RGS3: variants seen among roughly 807,000 people sequenced by gnomAD.
The protein encoded by RGS3 is regulator of G protein signaling 3, also known as regulator of G-protein signalling 3.
In RGS3, 80 loss-of-function variants were observed where a neutral mutation model predicts 132.6. That is an observed-to-expected ratio of 0.60 (90% CI 0.50 to 0.73). RGS3 has a LOEUF of 0.73. RGS3 is among the 30% of genes least tolerant of loss of function. The probability of loss-of-function intolerance (pLI) is 0.00; values close to 1 mark genes in which losing one functional copy is unlikely to be tolerated. For missense variants in RGS3, 1,382 were observed against 1,530.8 expected, an observed-to-expected ratio of 0.90 and a Z score of 1.62; for synonymous variants, 598 against 620.6, an observed-to-expected ratio of 0.96 and a Z score of 0.54.
chr9:113,594,092 T>G (rs1432011412), intron 21 of RGS3: 1 of 1,612,876 alleles, frequency 6.2e-7, no homozygotes, highest in African/African-American at 1.3e-5. Flanking sequence ...TGGCTCCTCC[T>G]GTCTGAGTCC....
chr9:113,536,058 A>C (rs1010368567), intron 18 of RGS3, among the ~76,000 whole-genome samples: 5 of 152,168 alleles, frequency 3.3e-5, no homozygotes, highest in Non-Finnish European at 7.4e-5. Flanking sequence ...GGCCTAGATG[A>C]AAAAGGCCTT....
At chr9:113,518,380 G>A (rs1831781990) in intron 16 of RGS3, among the ~76,000 whole-genome samples, 1 of 152,066 alleles carries the variant, frequency 6.6e-6, no homozygotes, top group South Asian at 2.1e-4. Flanking sequence ...CTTGGAGACA[G>A]GAAGTTTGTA....
chr9:113,580,910 C>T (rs1474604265), intron 19 of RGS3: 25 of 985,516 alleles, frequency 2.5e-5, no homozygotes, highest in Non-Finnish European at 2.8e-5. Flanking sequence ...AAATGCGGCC[C>T]GCTCCCCACT....
chr9:113,525,431 A>G (rs967584066), intron 17 of RGS3, among the ~76,000 whole-genome samples: 2 of 152,032 alleles, frequency 1.3e-5, no homozygotes, highest in African/African-American at 4.8e-5. Context: ...CTGGCGTCCA[A>G]TTTCCTGCCT....
chr9:113,508,674 C>A, intron 14 of RGS3, 94 bp downstream of exon 12: 4 of 1,297,944 alleles, frequency 3.1e-6, no homozygotes, highest in Non-Finnish European at 2.2e-6. Flanking sequence ...AGTTCTGAGG[C>A]CTTTCCAATG....
intron 16 of RGS3, among the ~76,000 whole-genome samples, chr9:113,521,402 A>G (rs1389365113): frequency 2.0e-5 from 3 of 152,274 alleles, no homozygotes; most frequent in Admixed American, 1.3e-4. Flanking sequence ...ATCAAAATGT[A>G]TCAATTAAAA....
intron 7 of RGS3, among the ~76,000 whole-genome samples, chr9:113,493,261 T>G (rs1588157506): frequency 6.6e-6 from 1 of 152,176 alleles, no homozygotes; most frequent in African/African-American, 2.4e-5. Context: ...TTTTTGGTGG[T>G]GGGCTGGGGA....
At chr9:113,528,288 G>A (rs576340899) in intron 17 of RGS3, among the ~76,000 whole-genome samples, 1 of 152,206 alleles carries the variant, frequency 6.6e-6, no homozygotes, top group Non-Finnish European at 1.5e-5. Flanking sequence ...ACCGTGCCCA[G>A]ACAAGTGACC....
chr9:113,480,620 C>T (rs546434937), intron 4 of RGS3, among the ~76,000 whole-genome samples: 49 of 152,242 alleles, frequency 3.2e-4, no homozygotes, highest in South Asian at 1.2e-3. Context: ...GATGCCCACA[C>T]GGTATCCTGA....
chr9:113,501,104 TTGGATTCTTTAGGC>T (rs1830868333), intron 10 of RGS3, among the ~76,000 whole-genome samples: 1 of 152,186 alleles, frequency 6.6e-6, no homozygotes, highest in Non-Finnish European at 1.5e-5. Context: ...CAAGGTATCC[TTGGATTCTTTAGGC>T]TGGGGCAGTC....
upstream of RGS3, among the ~76,000 whole-genome samples, chr9:113,459,106 T>C (rs182272390): frequency 6.6e-6 from 1 of 152,338 alleles, no homozygotes; most frequent in Admixed American, 6.5e-5. Context: ...TCTTTTACCT[T>C]TGGTCTATAG....
chr9:113,542,501 G>C (rs1016897305), intron 19 of RGS3, among the ~76,000 whole-genome samples: 1 of 152,168 alleles, frequency 6.6e-6, no homozygotes, highest in African/African-American at 2.4e-5. Flanking sequence ...TGTCCTGGTG[G>C]CTTGTCCTGG....
chr9:113,595,621 C>G (rs1005819383), exon 24 of RGS3: 4 of 1,614,190 alleles, frequency 2.5e-6, no homozygotes, highest in Non-Finnish European at 2.5e-6. Context: ...TGTTCCAAGC[C>G]TTCCTTCGCA....
intron 4 of RGS3, 91 bp downstream of exon 2, chr9:113,479,632 G>A: frequency 8.8e-7 from 1 of 1,133,852 alleles, no homozygotes; most frequent in Admixed American, 1.8e-5. Flanking sequence ...TGGCACCATG[G>A]GCCAAGGCTT....
chr9:113,595,022 C>G (rs753346814), intron 23 of RGS3, 42 bp downstream of exon 21: 2 of 1,584,078 alleles, frequency 1.3e-6, no homozygotes, highest in Admixed American at 1.7e-5. Flanking sequence ...CCCTCTCTCC[C>G]TCTCCCCTTC....
In RGS3 at chr9:113,485,698, G is replaced by C. The variant is rs1024266567; in HGVS notation, c.689+5G>C. On this transcript the variant is annotated splice_donor_5th_base_variant and intron_variant, in intron 7 of 24. Transcript: ENST00000350696. ...GAACAGGGCCAGCCAGTCCAGGTGA[G>C]GAGAGCTGCTGAGCTGGAGGGGGAC... 6.3e-7 allele frequency: 1 copy of C among 1,583,182 alleles called. No individual in the cohort carries two copies. Among genetic ancestry groups the C allele is most frequent in the Non-Finnish European group, 8.6e-7 (1 of 1,164,128 alleles).
Position 113,594,911 on chromosome 9 carries a change from C to T in RGS3, c.3183-8C>T, listed in dbSNP as rs199923884. ...TGCCCTCACTGTGTTTCCTCCCTCA[C>T]CCCTCAGGCCCACCTCAGAGGAAGC... On this transcript the variant is annotated splice_polypyrimidine_tract_variant and splice_region_variant and intron_variant, in intron 22 of 24. Transcript: ENST00000350696. The T allele has an allele frequency of 1.2e-5, 19 of 1,613,664 alleles. No individual in the cohort carries two copies. The highest frequency in any genetic ancestry group is 1.6e-5 in the Non-Finnish European group (19 of 1,179,736).
rs143362353 is a variant in RGS3 at position 113,507,262 on chromosome 9, G to A, written c.1086-25G>A. Reference sequence around the variant, plus strand: ...TACTGGCTTTCCCCAGGCTCAACCTGTCTGTGTGATCCCCCACCTTCCAGG... The same window carrying A: ...TACTGGCTTTCCCCAGGCTCAACCTATCTGTGTGATCCCCCACCTTCCAGG... On this transcript the variant is annotated intron_variant, in intron 12 of 24. Transcript: ENST00000350696. This position sits in a 1 kb window ranked among gnomAD's most constrained non-coding sequence, Gnocchi z 5.0. 3.2e-5 allele frequency: 50 copies of A among 1,575,544 alleles called. No homozygotes were observed. In the East Asian group the frequency reaches 1.1e-3, roughly 35 times the overall value.
At chr9:113,484,398 A>G (rs1217291383) in intron 6 of RGS3, among the ~76,000 whole-genome samples, 166 bp downstream of exon 4, 4 of 150,432 alleles carry the variant, frequency 2.7e-5, no homozygotes, top group Admixed American at 2.7e-4. Flanking sequence ...TTGTTTTCTC[A>G]CTCACTTGTG....
Sources: allele counts gnomAD v4.1 joint callset (sites outside exome capture counted in the v4.1 genomes callset), GRCh38; gene constraint gnomAD v4.1.1; non-coding constraint Gnocchi (gnomAD v3.1); transcripts MANE v1.5; gene names NCBI Gene and HGNC (gene_info 2026-07-23, HGNC 2026-07-21).